SYT2: variants seen among roughly 807,000 people sequenced by gnomAD.
SYT2 encodes synaptotagmin-2.
In SYT2, 15 loss-of-function variants were observed where a neutral mutation model predicts 39.9. That is an observed-to-expected ratio of 0.38 (90% CI 0.25 to 0.58). The LOEUF is 0.58. SYT2 is among the 20% of genes least tolerant of loss of function. The probability of loss-of-function intolerance (pLI) is 0.70; values close to 1 mark genes in which losing one functional copy is unlikely to be tolerated. For synonymous variants in SYT2, 181 were observed against 204.5 expected (o/e 0.89, Z 0.98); for missense variants, 389 against 530.3 (o/e 0.73, Z 2.62).
rs1690214429 is a variant in SYT2 at position 202,594,225 on chromosome 1, C to A, written c.*2532G>T. On this transcript the variant is annotated 3_prime_UTR_variant, in exon 9 of 9. Coordinates refer to ENST00000367268, the MANE Select transcript of SYT2 (RefSeq NM_177402.5). The stretch of plus-strand genomic sequence containing the variant: ...CTCAAGGCTCCTCACTAGCAGTGGG[C>A]TCAGAGTAATAAAAATCCAGCCCTG... 1.3e-5 allele frequency: 2 copies of A among 152,366 alleles called. No individual in the cohort carries two copies. Among genetic ancestry groups the A allele is most frequent in the South Asian group, 4.2e-4 (2 of 4,814 alleles). 9.4% of individuals were successfully genotyped at this position (152,366 alleles called of 1,614,324 possible).
At chr1:202,605,845 A>G in intron 1 of SYT2, 56 bp from the exon 2 acceptor site, 1 of 1,378,148 alleles carries the variant, frequency 7.3e-7, no homozygotes, top group Non-Finnish European at 1.0e-6. Context: ...TCTTACCCTG[A>G]GAAAGCCCTG....
intron 1 of SYT2, among the ~76,000 whole-genome samples, chr1:202,673,878 C>T (rs753672138): frequency 2.6e-5 from 4 of 152,126 alleles, no homozygotes; most frequent in East Asian, 1.9e-4. Flanking sequence ...TCTCATTTGC[C>T]ATTAGAAGCC....
rs540259748 is a variant in SYT2 at position 202,650,018 on chromosome 1, G to A, written c.-17-44229C>T. On this transcript the variant is annotated intron_variant, in intron 1 of 8. Coordinates refer to ENST00000367268, the MANE Select transcript of SYT2 (RefSeq NM_177402.5). ...CATCCCCTCCGTAAGGGCTTTTCCC[G>A]GACATGGGGAGCGATTCCAAGTTCT... 5.9e-5 allele frequency among the ~76,000 whole-genome samples: 9 copies of A among 152,310 alleles called. No homozygotes were observed. The East Asian group carries it at 1.2e-3, about 20-fold the overall frequency.
intron 1 of SYT2, among the ~76,000 whole-genome samples, chr1:202,651,260 C>T (rs907648479): frequency 2.0e-5 from 3 of 148,714 alleles, no homozygotes; most frequent in Non-Finnish European, 4.5e-5. Flanking sequence ...AATTGGGGGT[C>T]GGGGTGAGGA....
intron 1 of SYT2, among the ~76,000 whole-genome samples, chr1:202,674,384 G>T (rs376297013): frequency 2.8e-4 from 42 of 152,318 alleles, no homozygotes; most frequent in Non-Finnish European, 5.4e-4. Context: ...TTACAGGCAT[G>T]AGCCACCGCG....
At chr1:202,653,257 A>T (rs1692223928) in intron 1 of SYT2, among the ~76,000 whole-genome samples, 2 of 151,932 alleles carry the variant, frequency 1.3e-5, no homozygotes, top group South Asian at 4.2e-4. Context: ...CTGCATCCTC[A>T]TATCCCTGCA....
At chr1:202,653,439 C>G (rs867949151) in intron 1 of SYT2, among the ~76,000 whole-genome samples, 15 of 152,298 alleles carry the variant, frequency 9.8e-5, no homozygotes, top group South Asian at 2.1e-4. Context: ...TGTACTACCA[C>G]AGGGGACTGG....
intron 1 of SYT2, among the ~76,000 whole-genome samples, chr1:202,629,842 G>A (rs1443881634): frequency 7.1e-6 from 1 of 140,424 alleles, no homozygotes; most frequent in Non-Finnish European, 1.5e-5. Flanking sequence ...GACCAGCCAA[G>A]CGGCCATACC....
At chr1:202,625,106 GGTGTGTGTGGTATGTGTGTC>G (rs200709574) in intron 1 of SYT2, among the ~76,000 whole-genome samples, 111,721 of 114,064 alleles carry the variant, frequency 0.98, 54,696 homozygotes, top group Non-Finnish European at 0.99. Flanking sequence ...GTATGTGTGT[GGTGTGTGTGGTATGTGTGTC>G]GTGTGTGTGG....
chr1:202,659,806 T>A (rs1236275729), intron 1 of SYT2, among the ~76,000 whole-genome samples: 1 of 151,548 alleles, frequency 6.6e-6, no homozygotes, highest in Non-Finnish European at 1.5e-5. Flanking sequence ...CAGGGAGAGG[T>A]GCTGCCAGTC....
rs1411301874 is a variant in SYT2 at position 202,593,845 on chromosome 1, CTT to C, written c.*2910_*2911del. The C allele has an allele frequency of 6.6e-6, 1 of 152,260 alleles. No homozygotes were observed. The allele number at this position is 152,260 out of a possible 1,614,324, so 9.4% of individuals were successfully genotyped here. On this transcript the variant is annotated 3_prime_UTR_variant, in exon 9 of 9. Coordinates refer to ENST00000367268, the MANE Select transcript of SYT2 (RefSeq NM_177402.5). ...ACTACTTTCCTTTCTCTGGAACAGA[CTT>C]TGAGATGAAAACTCACAGCCCCAGA...
At chr1:202,698,398 T>C (rs1654028954) in intron 1 of SYT2, among the ~76,000 whole-genome samples, 1 of 152,102 alleles carries the variant, frequency 6.6e-6, no homozygotes, top group South Asian at 2.1e-4. Context: ...ACATCTGACC[T>C]CGTCTGAAGG....
chr1:202,689,942 C>T (rs761771449), intron 1 of SYT2, among the ~76,000 whole-genome samples: 1 of 151,862 alleles, frequency 6.6e-6, no homozygotes, highest in Non-Finnish European at 1.5e-5. Context: ...GAGTCCTACA[C>T]CTACCAGGAG....
At chr1:202,636,273 C>T in intron 1 of SYT2, 1 of 662,958 alleles carries the variant, frequency 1.5e-6, no homozygotes, top group Non-Finnish European at 1.9e-6. Flanking sequence ...CAGAGCCACC[C>T]AGAGTCCAAG....
Position 202,591,314 on chromosome 1 carries a change from C to G in SYT2, c.*5443G>C, listed in dbSNP as rs897584201. 1 of 152,758 alleles carries G rather than the reference C, an allele frequency of 6.5e-6. No individual in the cohort carries two copies. Among genetic ancestry groups the G allele is most frequent in the Non-Finnish European group, 1.5e-5 (1 of 68,456 alleles). The allele number at this position is 152,758 out of a possible 1,614,324, so 9.5% of individuals were successfully genotyped here. A position where few individuals can be genotyped will look rare whatever the true frequency, so the allele number is the denominator to read the frequency against. On this transcript the variant is annotated 3_prime_UTR_variant, in exon 9 of 9. Transcript: ENST00000367268. ...GTTCTCTCTCCTTCCTCATACTTGT[C>G]ACAGTTGCCAGGCCTGAGGCATCCT...
intron 1 of SYT2, among the ~76,000 whole-genome samples, chr1:202,617,853 C>A (rs945181293): frequency 1.3e-5 from 2 of 152,238 alleles, no homozygotes; most frequent in African/African-American, 4.8e-5. Flanking sequence ...CAGTCCCCCA[C>A]CTAATTTTTG....
rs1690499769 is a variant in SYT2 at position 202,601,410 on chromosome 1, A to G, written c.801+480T>C. 6.6e-6 allele frequency among the ~76,000 whole-genome samples: 1 copy of G among 152,234 alleles called. No individual in the cohort carries two copies. Among genetic ancestry groups the G allele is most frequent in the African/African-American group, 2.4e-5 (1 of 41,462 alleles). On this transcript the variant is annotated intron_variant, in intron 6 of 8. Coordinates refer to ENST00000367268, the MANE Select transcript of SYT2 (RefSeq NM_177402.5). The surrounding 1 kb of genome is among the most constrained non-coding windows in gnomAD (Gnocchi z 4.0). Reference sequence around the variant, plus strand: ...ATGCCCAGAAGGAAGAATGGCTAAAATGGAGTTTTAGGTACACAGCAATTG... The same window carrying G: ...ATGCCCAGAAGGAAGAATGGCTAAAGTGGAGTTTTAGGTACACAGCAATTG...
chr1:202,605,665 A>T lies in SYT2; in HGVS notation c.108T>A (p.Ala36=), dbSNP rs1572616523. Residue 36 remains alanine, a synonymous_variant, in exon 2 of 9, where the codon GCT becomes GCA. Coordinates refer to ENST00000367268, the MANE Select transcript of SYT2 (RefSeq NM_177402.5). The part of the protein sequence containing the change: ...PVDNSTESGG[A]GESQEDMFAK... ...CAAACATGTCCTCCTGGCTCTCCCCAGCACCCCCACTCTCAGTGGAGTTGT... is the reference window on the plus strand; with the variant it reads ...CAAACATGTCCTCCTGGCTCTCCCCTGCACCCCCACTCTCAGTGGAGTTGT... 6.2e-7 allele frequency: 1 copy of T among 1,613,854 alleles called. No individual in the cohort carries two copies. The highest frequency in any genetic ancestry group is 2.2e-5 in the East Asian group (1 of 44,876).
intron 1 of SYT2, among the ~76,000 whole-genome samples, chr1:202,645,328 G>T (rs192219512): frequency 6.6e-6 from 1 of 152,168 alleles, no homozygotes; most frequent in African/African-American, 2.4e-5. Context: ...GCTCCTCTTC[G>T]GTTTCTCCCT....
Sources: gnomAD v4.1 joint callset for allele counts (sites outside exome capture counted in the v4.1 genomes callset) on GRCh38, gnomAD v4.1.1 for gene constraint, Gnocchi (gnomAD v3.1) non-coding constraint, MANE v1.5 for transcripts, NCBI Gene and HGNC (gene_info 2026-07-23, HGNC 2026-07-21) for gene names.